The following AK4 variants were observed in gnomAD, a reference collection of about 807,000 sequenced individuals.
The protein encoded by AK4 is adenylate kinase 4.
Under a neutral mutation model 24.6 loss-of-function variants are expected in AK4, and 13 were observed. That is an observed-to-expected ratio of 0.53 (90% CI 0.34 to 0.84). AK4 has a LOEUF of 0.84. Among genes scored for constraint, AK4 ranks in the 40% least tolerant of loss-of-function variants. The pLI is 0.01. For synonymous variants in AK4, 88 were observed against 107.0 expected (o/e 0.82, Z 1.10); for missense variants, 192 against 288.2 (o/e 0.67, Z 2.42).
intron 3 of AK4, among the ~76,000 whole-genome samples, chr1:65,221,579 A>G (rs941875387): frequency 6.6e-6 from 1 of 152,188 alleles, no homozygotes; most frequent in African/African-American, 2.4e-5. Flanking sequence ...AAAATTTTCT[A>G]ATTCTTGTAT....
chr1:65,212,500 T>G (rs1231895951), intron 2 of AK4, among the ~76,000 whole-genome samples: 1 of 152,050 alleles, frequency 6.6e-6, no homozygotes, highest in Non-Finnish European at 1.5e-5. Flanking sequence ...TTATTTTATT[T>G]TATTTTGAGA....
intron 2 of AK4, among the ~76,000 whole-genome samples, chr1:65,207,600 C>T (rs889372216): frequency 3.4e-5 from 5 of 147,812 alleles, no homozygotes; most frequent in Admixed American, 6.8e-5. Flanking sequence ...TTAGGGGATA[C>T]ATGTGCAGGT....
At position 65,211,695 on chromosome 1, in the gene AK4, C is replaced by T. The variant is rs144926405; in HGVS notation, c.266-7059C>T. 6.1e-3 allele frequency among the ~76,000 whole-genome samples: 927 copies of T among 152,264 alleles called. 28 individuals carry two copies. The highest frequency in any genetic ancestry group is 0.049 in the Admixed American group (746 of 15,294). On this transcript the variant is annotated intron_variant, in intron 2 of 4. Transcript: ENST00000327299. The stretch of plus-strand genomic sequence containing the variant: ...TACTCATTCAACAAATATTTTCATT[C>T]GGCACTTACTGTGTGCAAAGCACGC...
chr1:65,173,909 T>C (rs1460097642), intron 1 of AK4, among the ~76,000 whole-genome samples: 4 of 151,808 alleles, frequency 2.6e-5, no homozygotes, highest in Admixed American at 2.6e-4. Context: ...GTATTAAGGT[T>C]TGGGGTGATG....
chr1:65,194,549 C>A (rs1452876041), intron 2 of AK4, among the ~76,000 whole-genome samples: 2 of 152,186 alleles, frequency 1.3e-5, no homozygotes, highest in Admixed American at 1.3e-4. Context: ...GCAACCTCCA[C>A]CTCCCAGGTT....
At chr1:65,223,884 C>A (rs1228991311) in intron 3 of AK4, among the ~76,000 whole-genome samples, 1 of 151,992 alleles carries the variant, frequency 6.6e-6, no homozygotes, top group Non-Finnish European at 1.5e-5. Context: ...GTAATCCCAC[C>A]TGTTCGGCTG....
intron 1 of AK4, among the ~76,000 whole-genome samples, chr1:65,161,379 A>C (rs927435055): frequency 1.3e-5 from 2 of 152,178 alleles, no homozygotes; most frequent in Admixed American, 6.5e-5. Context: ...TTGAGCTCTG[A>C]GTTCTACATT....
chr1:65,179,688 A>G (rs1650835028), intron 1 of AK4, among the ~76,000 whole-genome samples: 1 of 152,146 alleles, frequency 6.6e-6, no homozygotes, highest in East Asian at 1.9e-4. Flanking sequence ...AAGAAAAATT[A>G]GCCAGGCATG....
At chr1:65,152,350 CTCTCTCTCTCTATATATA>C (rs1254970261) in intron 1 of AK4, among the ~76,000 whole-genome samples, 9 of 44,616 alleles carry the variant, frequency 2.0e-4, no homozygotes, top group East Asian at 1.8e-3. Flanking sequence ...CTCTCTCTCT[CTCTCTCTCTCTATATATA>C]TATATATATA....
intron 2 of AK4, 110 bp from the exon 3 acceptor site, chr1:65,218,644 T>C: frequency 9.4e-7 from 1 of 1,067,852 alleles, no homozygotes; most frequent in Non-Finnish European, 1.3e-6. Flanking sequence ...AGTGTAAAGC[T>C]CCTTTTAGAA....
intron 1 of AK4, among the ~76,000 whole-genome samples, chr1:65,184,550 G>A (rs1651023029): frequency 6.6e-6 from 1 of 152,344 alleles, no homozygotes; most frequent in South Asian, 2.1e-4. Flanking sequence ...ATGTGTGTGT[G>A]TGAACACACT....
At chr1:65,150,339 A>G (rs1201358244) in intron 1 of AK4, among the ~76,000 whole-genome samples, 2 of 148,874 alleles carry the variant, frequency 1.3e-5, no homozygotes, top group Non-Finnish European at 3.0e-5. Context: ...TTCTCTTTCA[A>G]ATGCCTTCAT....
intron 1 of AK4, among the ~76,000 whole-genome samples, chr1:65,179,552 G>C (rs886316019): frequency 3.9e-5 from 6 of 152,168 alleles, no homozygotes; most frequent in Non-Finnish European, 5.9e-5. Context: ...AAACTTTCTA[G>C]AATCGGCCAG....
chr1:65,174,096 C>T (rs6689998), intron 1 of AK4, among the ~76,000 whole-genome samples: 24,550 of 151,998 alleles, frequency 0.16, 2,986 homozygotes, highest in African/African-American at 0.33. Flanking sequence ...TTTTTCTGTT[C>T]CTCAGCTTTC....
chr1:65,213,984 G>A (rs796704559), intron 2 of AK4, among the ~76,000 whole-genome samples: 98 of 152,306 alleles, frequency 6.4e-4, no homozygotes, highest in African/African-American at 2.3e-3. Flanking sequence ...TCAATTAGAG[G>A]CCTCTGAAGG....
chr1:65,204,635 T>G (rs1015791847), intron 2 of AK4, among the ~76,000 whole-genome samples: 1 of 152,232 alleles, frequency 6.6e-6, no homozygotes, highest in Non-Finnish European at 1.5e-5. Flanking sequence ...TAAAAGCCAC[T>G]GGGAGACTGA....
chr1:65,179,626 C>T (rs1470805697), intron 1 of AK4, among the ~76,000 whole-genome samples: 1 of 151,992 alleles, frequency 6.6e-6, no homozygotes, highest in Non-Finnish European at 1.5e-5. Context: ...ATCCCTTGAA[C>T]TCAAGAGTTT....
intron 1 of AK4, among the ~76,000 whole-genome samples, chr1:65,165,236 T>C (rs528042323): frequency 1.3e-5 from 2 of 152,314 alleles, no homozygotes; most frequent in South Asian, 4.1e-4. Flanking sequence ...GCTTAATAGT[T>C]GTTTGTTATA....
chr1:65,150,484 A>C (rs933153598), intron 1 of AK4, among the ~76,000 whole-genome samples: 1 of 152,152 alleles, frequency 6.6e-6, no homozygotes, highest in African/African-American at 2.4e-5. Context: ...GAAGAAAAAT[A>C]AAGGACAGCA....
Sources: allele counts gnomAD v4.1 joint callset (sites outside exome capture counted in the v4.1 genomes callset), GRCh38; gene constraint gnomAD v4.1.1; transcripts MANE v1.5; gene names NCBI Gene and HGNC (gene_info 2026-07-23, HGNC 2026-07-21).